NR3C2: variants seen among roughly 807,000 people sequenced by gnomAD.
The protein encoded by NR3C2 is nuclear receptor subfamily 3 group C member 2.
NR3C2 carries 15 observed loss-of-function variants against 86.4 expected under a neutral mutation model. The ratio of observed to expected loss-of-function variants is 0.17; its 90% confidence interval spans 0.12 to 0.27. The LOEUF is 0.27. Among genes scored for constraint, NR3C2 ranks in the 10% least tolerant of loss-of-function variants. The pLI is 1.00. For synonymous variants in NR3C2, 458 were observed against 450.5 expected (o/e 1.02, Z -0.21); for missense variants, 960 against 1,195.6 (o/e 0.80, Z 2.91).
At chr4:148,203,320 T>TA (rs563531625) in intron 3 of NR3C2, among the ~76,000 whole-genome samples, 2,627 of 147,278 alleles carry the variant, frequency 0.018, 43 homozygotes, top group African/African-American at 0.039. Flanking sequence ...TTTCCCTATT[T>TA]AAAAAAAAAA....
intron 2 of NR3C2, among the ~76,000 whole-genome samples, chr4:148,390,681 C>T (rs548350766): frequency 3.9e-5 from 6 of 152,232 alleles, no homozygotes; most frequent in East Asian, 1.9e-4. Context: ...TGGCATAAGA[C>T]GGTTGATTTG....
chr4:148,270,647 G>A (rs1258290223), intron 2 of NR3C2, among the ~76,000 whole-genome samples: 2 of 152,122 alleles, frequency 1.3e-5, no homozygotes, highest in East Asian at 3.9e-4. Flanking sequence ...AATCATCAGT[G>A]AAGTCTTTTG....
chr4:148,159,342 T>G (rs61757905), intron 4 of NR3C2, among the ~76,000 whole-genome samples: 290 of 152,320 alleles, frequency 1.9e-3, no homozygotes, highest in Middle Eastern at 0.017. Context: ...ATTTCTGAAT[T>G]GTTAATTATT....
chr4:148,397,934 T>G (rs985846141), intron 2 of NR3C2, among the ~76,000 whole-genome samples: 2 of 152,206 alleles, frequency 1.3e-5, no homozygotes, highest in East Asian at 1.9e-4. Flanking sequence ...AAAATCCAGT[T>G]GTCTGCAGAG....
chr4:148,329,488 C>G (rs1397475293), intron 2 of NR3C2, among the ~76,000 whole-genome samples: 1 of 152,148 alleles, frequency 6.6e-6, no homozygotes, highest in Admixed American at 6.5e-5. Context: ...TTTACAGATT[C>G]TACACTTTTT....
chr4:148,188,671 T>G (rs532970040), intron 4 of NR3C2, among the ~76,000 whole-genome samples: 23 of 152,150 alleles, frequency 1.5e-4, no homozygotes, highest in Non-Finnish European at 3.1e-4. Context: ...GATCATATCA[T>G]CAGCAAACAG....
intron 2 of NR3C2, among the ~76,000 whole-genome samples, chr4:148,299,963 G>A (rs534167308): frequency 9.9e-5 from 15 of 152,218 alleles, no homozygotes; most frequent in African/African-American, 3.4e-4. Flanking sequence ...TTATCGAAAG[G>A]GATTGATGAG....
upstream of NR3C2, among the ~76,000 whole-genome samples, chr4:148,443,253 A>AAAG (rs1560742809): frequency 5.9e-5 from 8 of 134,576 alleles, no homozygotes; most frequent in East Asian, 2.5e-4. Context: ...AAAAAAAAAA[A>AAAG]AGAGAGAGAG....
Position 148,120,192 on chromosome 4 carries a change from G to A in NR3C2, c.2607C>T (p.Tyr869=). The part of the protein sequence containing the change: ...FVRLQLTFEE[Y]TIMKVLLLLS... ...GTAGCAGCAAAACTTTCATGATGGT[G>A]TATTCTTCAAAGGTGAGCTGCAGTC... Residue 869 remains tyrosine (Y), a synonymous_variant, in exon 7 of 9, where the codon TAC becomes TAT. Transcript: ENST00000358102. 1.9e-6 allele frequency: 3 copies of A among 1,614,156 alleles called. No homozygotes were observed. The highest frequency in any genetic ancestry group is 1.7e-6 in the Non-Finnish European group (2 of 1,180,008).
At chr4:148,150,753 G>A (rs1266153612) in intron 6 of NR3C2, among the ~76,000 whole-genome samples, 1 of 152,172 alleles carries the variant, frequency 6.6e-6, no homozygotes, top group African/African-American at 2.4e-5. Flanking sequence ...AATAAATGCA[G>A]TCAGTAAGCA....
chr4:148,136,011 CCCGCCACTGCACT>C (rs888558237), intron 6 of NR3C2, among the ~76,000 whole-genome samples: 2 of 118,606 alleles, frequency 1.7e-5, no homozygotes, highest in African/African-American at 6.3e-5. Flanking sequence ...GAGCCGAGAT[CCCGCCACTGCACT>C]CCAGCCTGGG....
Position 148,095,452 on chromosome 4 carries a change from A to G in NR3C2, c.2800-13953T>C, listed in dbSNP as rs1731236578. Among the ~76,000 whole-genome samples, 4 of 152,290 alleles carry G rather than the reference A, an allele frequency of 2.6e-5. No individual in the cohort carries two copies. The South Asian group carries it at 6.2e-4, about 24-fold the overall frequency. ...ACTCACTATGGGCTCCCTTCTGAAAACCCAGGCTCCACAATGCCATCGCTC... is the reference window on the plus strand; with the variant it reads ...ACTCACTATGGGCTCCCTTCTGAAAGCCCAGGCTCCACAATGCCATCGCTC... On this transcript the variant is annotated intron_variant, in intron 8 of 8. Transcript: ENST00000358102.
At chr4:148,317,732 T>C (rs1743272274) in intron 2 of NR3C2, among the ~76,000 whole-genome samples, 1 of 151,742 alleles carries the variant, frequency 6.6e-6, no homozygotes, top group South Asian at 2.1e-4. Flanking sequence ...AAAAATATTA[T>C]GGTCAAAAAT....
chr4:148,392,657 G>A (rs1169470679), intron 2 of NR3C2, among the ~76,000 whole-genome samples: 1 of 152,126 alleles, frequency 6.6e-6, no homozygotes, highest in Admixed American at 6.5e-5. Context: ...GGCAGGTCAA[G>A]GAAACATGGT....
rs961206737 is a variant in NR3C2 at position 148,308,104 on chromosome 4, T to C, written c.1758-47987A>G. Among the ~76,000 whole-genome samples, 16 of 152,264 alleles carry C rather than the reference T, an allele frequency of 1.1e-4. No homozygotes were observed. The South Asian group carries it at 1.2e-3, about 12-fold the overall frequency. ...TACCAAACATTTAAGAAACTTCACA[T>C]TGTTTGGGTTCTTTACCAGAACCCA... On this transcript the variant is annotated intron_variant, in intron 2 of 8. Coordinates refer to ENST00000358102, the MANE Select transcript of NR3C2 (RefSeq NM_000901.5).
In NR3C2 at chr4:148,080,905, A is replaced by C. The variant is rs752214825; in HGVS notation, c.*439T>G. 1 of 348,534 alleles carries C rather than the reference A, an allele frequency of 2.9e-6. No homozygotes were observed. The highest frequency in any genetic ancestry group is 2.2e-5 in the South Asian group (1 of 45,540). 21.6% of individuals were successfully genotyped at this position (348,534 alleles called of 1,614,324 possible). On this transcript the variant is annotated 3_prime_UTR_variant, in exon 9 of 9. Transcript: ENST00000358102. ...TTTTGTGTTTTTTTAATAACAAAAG[A>C]ATATTAATGCCCCATATTGACTATA...
intron 2 of NR3C2, among the ~76,000 whole-genome samples, chr4:148,280,770 T>C (rs1181137616): frequency 2.0e-5 from 3 of 152,314 alleles, no homozygotes; most frequent in East Asian, 3.9e-4. Flanking sequence ...GCCTCCCACA[T>C]GTGGGGATTA....
At chr4:148,193,088 C>T (rs919877272) in intron 4 of NR3C2, among the ~76,000 whole-genome samples, 1 of 152,218 alleles carries the variant, frequency 6.6e-6, no homozygotes, top group South Asian at 2.1e-4. Flanking sequence ...GCCACCCTCC[C>T]GATGGATCCC....
intron 2 of NR3C2, among the ~76,000 whole-genome samples, chr4:148,384,225 T>C (rs997758585): frequency 5.9e-5 from 9 of 152,034 alleles, no homozygotes; most frequent in Non-Finnish European, 8.8e-5. Flanking sequence ...TATACAGTAA[T>C]AGGAACTAAA....
Sources: allele counts gnomAD v4.1 joint callset (sites outside exome capture counted in the v4.1 genomes callset), GRCh38; gene constraint gnomAD v4.1.1; transcripts MANE v1.5; gene names NCBI Gene and HGNC (gene_info 2026-07-23, HGNC 2026-07-21).